Variants in SEPTIN9 observed in about 807,000 individuals in gnomAD.
The protein encoded by SEPTIN9 is septin-9.
A neutral mutation model predicts 56.6 loss-of-function variants in SEPTIN9; 13 were observed. The ratio of observed to expected loss-of-function variants is 0.23; its 90% CI spans 0.15 to 0.37. The LOEUF (loss-of-function observed/expected upper bound fraction) is 0.37. SEPTIN9 is among the 10% of genes least tolerant of loss of function. The pLI is 1.00. For missense variants in SEPTIN9, 650 were observed against 823.1 expected (o/e 0.79, Z 2.57); for synonymous variants, 332 against 334.1 (o/e 0.99, Z 0.07).
rs2032740318 is a variant in SEPTIN9, at chr17:77,317,165, C to T, written c.76+9968C>T. Among the ~76,000 whole-genome samples, 1 of 152,198 alleles carries T rather than the reference C, an allele frequency of 6.6e-6. No homozygotes were observed. The highest frequency in any genetic ancestry group is 6.5e-5 in the Admixed American group (1 of 15,270). On this transcript the variant is annotated intron_variant, in intron 2 of 11. Coordinates refer to ENST00000427177, the MANE Select transcript of SEPTIN9 (RefSeq NM_001113491.2). The surrounding 1 kb of genome is among the most constrained non-coding windows in gnomAD (Gnocchi z 4.2). ...TTCCTGCAGCTGCTGTAACGAGTGGCCACAAGCTGGCTGGGTCACAACAAC... is the reference window on the plus strand; with the variant it reads ...TTCCTGCAGCTGCTGTAACGAGTGGTCACAAGCTGGCTGGGTCACAACAAC...
chr17:77,317,667 A>G lies in SEPTIN9; in HGVS notation c.76+10470A>G, dbSNP rs2032758748. Among the ~76,000 whole-genome samples the G allele has an allele frequency of 6.6e-6, 1 of 152,154 alleles. No homozygotes were observed. The highest frequency in any genetic ancestry group is 6.5e-5 in the Admixed American group (1 of 15,278). Reference sequence around the variant, plus strand: ...TATCTCATTATATATTATAATAATAATAGAAATAAAGTGCACAATCAATAC... The same window carrying G: ...TATCTCATTATATATTATAATAATAGTAGAAATAAAGTGCACAATCAATAC... On this transcript the variant is annotated intron_variant, in intron 2 of 11. Transcript: ENST00000427177. This position sits in a 1 kb window ranked among gnomAD's most constrained non-coding sequence, Gnocchi z 4.2.
chr17:77,411,195 T>C (rs954681067), intron 3 of SEPTIN9, among the ~76,000 whole-genome samples: 1 of 151,660 alleles, frequency 6.6e-6, no homozygotes, highest in Non-Finnish European at 1.5e-5. Context: ...TCCCAAGGGG[T>C]GGCCATGTTG....
At chr17:77,458,591 T>C (rs1412179733) in intron 3 of SEPTIN9, among the ~76,000 whole-genome samples, 2 of 152,210 alleles carry the variant, frequency 1.3e-5, no homozygotes, top group Non-Finnish European at 2.9e-5. Context: ...AGGGACCATT[T>C]TGAGGACAAA....
chr17:77,311,789 T>G (rs979321573), intron 2 of SEPTIN9, among the ~76,000 whole-genome samples: 1 of 152,150 alleles, frequency 6.6e-6, no homozygotes, highest in African/African-American at 2.4e-5. Context: ...TGCCCAGCCA[T>G]GCAGACAAAA....
rs2037923973 is a variant in SEPTIN9, at chr17:77,450,486, T to G, written c.722-31658T>G. The G allele has an allele frequency of 1.0e-6, 1 of 985,350 alleles. No individual in the cohort carries two copies. Among genetic ancestry groups the G allele is most frequent in the Non-Finnish European group, 1.2e-6 (1 of 829,914 alleles). 61.0% of individuals were successfully genotyped at this position (985,350 alleles called of 1,614,324 possible). On this transcript the variant is annotated intron_variant, in intron 3 of 11. Transcript: ENST00000427177. The surrounding 1 kb of genome is among the most constrained non-coding windows in gnomAD (Gnocchi z 6.0). ...TCGGAACGAGCCCACTCCCAGGCGC[T>G]CTCTCCTAGTGTGGGAGTGGCCACG...
rs1342976251 is a variant in SEPTIN9, at chr17:77,498,544, G to A, written c.1647G>A (p.Lys549=). ...LLIRTHMQNI[K]DITSSIHFEA... ...ACAGGACGCACATGCAGAACATCAA[G>A]GACATCACCAGCAGCATCCACTTCG... The change falls in exon 12 of 12, where the codon AAG becomes AAA. Residue 549 remains lysine, a synonymous_variant. Coordinates refer to ENST00000427177, the MANE Select transcript of SEPTIN9 (RefSeq NM_001113491.2). 1 of 1,548,732 alleles carries A rather than the reference G, an allele frequency of 6.5e-7. No individual in the cohort carries two copies. Among genetic ancestry groups the A allele is most frequent in the Non-Finnish European group, 8.7e-7 (1 of 1,152,412 alleles).
Position 77,437,254 on chromosome 17 carries a change from G to A in SEPTIN9, c.721+34551G>A, listed in dbSNP as rs1362568436. On this transcript the variant is annotated intron_variant, in intron 3 of 11. Transcript: ENST00000427177. This position sits in a 1 kb window ranked among gnomAD's most constrained non-coding sequence, Gnocchi z 5.3. ...AAGTGGTTGGAAAGCAAGAAGCCTGGAGAGAAGTGAGGCCTCTGTGGTTTG... is the reference window on the plus strand; with the variant it reads ...AAGTGGTTGGAAAGCAAGAAGCCTGAAGAGAAGTGAGGCCTCTGTGGTTTG... 1.3e-5 allele frequency among the ~76,000 whole-genome samples: 2 copies of A among 152,190 alleles called. No individual in the cohort carries two copies. Among genetic ancestry groups the A allele is most frequent in the African/African-American group, 2.4e-5 (1 of 41,436 alleles).
rs559457138 is a variant in SEPTIN9 at position 77,456,119 on chromosome 17, C to T, written c.722-26025C>T. Among the ~76,000 whole-genome samples, 1 of 150,148 alleles carries T rather than the reference C, an allele frequency of 6.7e-6. No homozygotes were observed. Among genetic ancestry groups the T allele is most frequent in the Non-Finnish European group, 1.5e-5 (1 of 67,554 alleles). ...CCCGTGGCCGGTGTCATCTGCCAGC[C>T]CTGAAGACTAATGATGGGCTGGACA... is the stretch of plus-strand genomic sequence containing the variant. On this transcript the variant is annotated intron_variant, in intron 3 of 11. Coordinates refer to ENST00000427177, the MANE Select transcript of SEPTIN9 (RefSeq NM_001113491.2). The surrounding 1 kb of genome is among the most constrained non-coding windows in gnomAD (Gnocchi z 6.0).
In SEPTIN9 at chr17:77,326,322, A is replaced by G. The variant is rs2033138812; in HGVS notation, c.76+19125A>G. Among the ~76,000 whole-genome samples the G allele has an allele frequency of 6.6e-6, 1 of 152,244 alleles. No individual in the cohort carries two copies. The highest frequency in any genetic ancestry group is 1.5e-5 in the Non-Finnish European group (1 of 68,032). Reference sequence around the variant, plus strand: ...CCTCATGGGACTGCACAAGTGCAAGACCACATCAGTAAACGTGAAACACAG... The same window carrying G: ...CCTCATGGGACTGCACAAGTGCAAGGCCACATCAGTAAACGTGAAACACAG... On this transcript the variant is annotated intron_variant, in intron 2 of 11. Coordinates refer to ENST00000427177, the MANE Select transcript of SEPTIN9 (RefSeq NM_001113491.2). The surrounding 1 kb of genome is among the most constrained non-coding windows in gnomAD (Gnocchi z 5.1).
intron 2 of SEPTIN9, among the ~76,000 whole-genome samples, chr17:77,343,858 A>G (rs1049150196): frequency 6.6e-6 from 1 of 152,148 alleles, no homozygotes; most frequent in Non-Finnish European, 1.5e-5. Context: ...GGAGAGATAG[A>G]GTTTGTTTTG....
At chr17:77,320,245 G>C in intron 2 of SEPTIN9, 1 of 1,611,470 alleles carries the variant, frequency 6.2e-7, no homozygotes, top group East Asian at 2.2e-5. Flanking sequence ...CTGAGAGAGG[G>C]AGGGCGACGG....
At chr17:77,415,754 C>T (rs1220176894) in intron 3 of SEPTIN9, among the ~76,000 whole-genome samples, 8 of 152,328 alleles carry the variant, frequency 5.3e-5, no homozygotes, top group Admixed American at 2.6e-4. Context: ...AGCTGACGTG[C>T]GACCAAGGCA....
chr17:77,475,012 A>AAT lies in SEPTIN9; in HGVS notation c.722-7131_722-7130dup, dbSNP rs999125725. On this transcript the variant is annotated intron_variant, in intron 3 of 11. Transcript: ENST00000427177. The surrounding 1 kb of genome is among the most constrained non-coding windows in gnomAD (Gnocchi z 4.6). Reference sequence around the variant, plus strand: ...GTGAGACCCACTCTCTAAAAAAAAAAATTAGAGTAACGCCTGGCACAGAGA... The same window carrying AAT: ...GTGAGACCCACTCTCTAAAAAAAAAAATATTAGAGTAACGCCTGGCACAGAGA... 1.8e-4 allele frequency among the ~76,000 whole-genome samples: 27 copies of AAT among 152,084 alleles called. No homozygotes were observed. The highest frequency in any genetic ancestry group is 6.5e-4 in the African/African-American group (27 of 41,402).
In SEPTIN9 at chr17:77,431,139, G is replaced by C. The variant is rs151206193; in HGVS notation, c.721+28436G>C. ...GAGAGTCGCTTGAGGCCAGGCGTTC[G>C]AGACCAGTCTGGGCAACAGAGGTGC... On this transcript the variant is annotated intron_variant, in intron 3 of 11. Transcript: ENST00000427177. Among the ~76,000 whole-genome samples, 10 of 152,268 alleles carry C rather than the reference G, an allele frequency of 6.6e-5. No individual in the cohort carries two copies. In the East Asian group the frequency reaches 1.9e-3, roughly 29 times the overall value.
chr17:77,431,815 A>G (rs895777916), intron 3 of SEPTIN9, among the ~76,000 whole-genome samples: 1 of 130,944 alleles, frequency 7.6e-6, no homozygotes, highest in East Asian at 2.5e-4. Context: ...AGGCAACGGG[A>G]GTGAAATGCT....
intron 3 of SEPTIN9, among the ~76,000 whole-genome samples, chr17:77,409,712 G>T (rs567336403): frequency 1.3e-5 from 2 of 152,264 alleles, no homozygotes; most frequent in South Asian, 2.1e-4. Flanking sequence ...TGTACCCGCC[G>T]CCTCCCAGGC....
At chr17:77,359,890 C>T (rs8065915) in intron 2 of SEPTIN9, among the ~76,000 whole-genome samples, 2,692 of 152,124 alleles carry the variant, frequency 0.018, 69 homozygotes, top group African/African-American at 0.057. Flanking sequence ...CCCGGGTGGG[C>T]GCAGTGGCTC....
intron 1 of SEPTIN9, among the ~76,000 whole-genome samples, chr17:77,306,373 C>T (rs1052162362): frequency 1.3e-5 from 2 of 152,150 alleles, no homozygotes; most frequent in African/African-American, 4.8e-5. Context: ...ATAGGGTGGC[C>T]GCCTGTGCTC....
At chr17:77,315,868 G>A (rs142247658) in intron 2 of SEPTIN9, among the ~76,000 whole-genome samples, 72 of 152,318 alleles carry the variant, frequency 4.7e-4, no homozygotes, top group Non-Finnish European at 8.1e-4. Context: ...GCCGCCCTGA[G>A]AACTGTCTGG....
Sources: gnomAD v4.1 joint callset for allele counts (sites outside exome capture counted in the v4.1 genomes callset) on GRCh38, gnomAD v4.1.1 for gene constraint, Gnocchi (gnomAD v3.1) non-coding constraint, MANE v1.5 for transcripts, NCBI Gene and HGNC (gene_info 2026-07-23, HGNC 2026-07-21) for gene names.